GPLD1: variants seen among roughly 807,000 people sequenced by gnomAD.
GPLD1 encodes the protein phosphatidylinositol-glycan-specific phospholipase D.
GPLD1 carries 84 observed loss-of-function variants against 112.6 expected under a neutral mutation model. That is an observed-to-expected ratio of 0.75 (90% CI 0.63 to 0.89). The LOEUF (loss-of-function observed/expected upper bound fraction) is 0.89, where lower values mean the gene tolerates loss of function less well. Ranked by LOEUF, GPLD1 falls within the 40% of genes least tolerant of loss-of-function variation. The pLI is 0.00. For synonymous variants in GPLD1, 386 were observed against 403.8 expected, an observed-to-expected ratio of 0.96 and a Z score of 0.53; for missense variants, 1,044 against 1,051.5, an observed-to-expected ratio of 0.99 and a Z score of 0.10.
In GPLD1 at chr6:24,454,166, T is replaced by C. The variant is rs764108052; in HGVS notation, c.1184A>G (p.His395Arg). The part of the protein sequence containing the change: ...MTSADLNQDG[H>R]GDLVVGAPGY... ...TGGTGCGCCCACCACGAGGTCACCG[T>C]GCCCATCCTGGTTGAGGTCAGCTGA... The change falls in exon 14 of 25, where the codon CAC becomes CGC. Residue 395 changes from histidine (H) to arginine (R), a missense_variant. Coordinates refer to ENST00000230036, the MANE Select transcript of GPLD1 (RefSeq NM_001503.4). The C allele has an allele frequency of 5.0e-5, 81 of 1,613,576 alleles. No individual in the cohort carries two copies. Among genetic ancestry groups the C allele is most frequent in the Non-Finnish European group, 6.6e-5 (78 of 1,179,820 alleles).
chr6:24,453,725 T>C (rs1763171914), intron 14 of GPLD1, among the ~76,000 whole-genome samples: 1 of 151,974 alleles, frequency 6.6e-6, no homozygotes. Context: ...TGTGTGTGTA[T>C]AAAGAGGTTT....
intron 7 of GPLD1, among the ~76,000 whole-genome samples, chr6:24,468,068 G>A (rs9467181): frequency 0.074 from 11,184 of 152,026 alleles, 1,185 homozygotes; most frequent in African/African-American, 0.24. Context: ...CACCACGCCC[G>A]GCTAATTTTA....
Position 24,495,040 on chromosome 6 carries a change from T to G in GPLD1, n.166A>C, listed in dbSNP as rs535285968. On this transcript the variant is annotated non_coding_transcript_exon_variant, in exon 1 of 11. Transcript: ENST00000474784. ...CTGCGGAGCTGTGGGGCCCGGCGCC[T>G]CGGGTCGACGTTTCCAGGCTGCCGC... 1.8e-5 allele frequency: 24 copies of G among 1,350,640 alleles called. No individual in the cohort carries two copies. In the South Asian group the frequency reaches 4.8e-4, roughly 27 times the overall value. 83.7% of individuals were successfully genotyped at this position (1,350,640 alleles called of 1,614,324 possible). A position where few individuals can be genotyped will look rare whatever the true frequency, so the allele number is the denominator to read the frequency against.
chr6:24,448,431 A>C (rs1762981418), intron 15 of GPLD1, among the ~76,000 whole-genome samples: 1 of 144,680 alleles, frequency 6.9e-6, no homozygotes. Context: ...AAAACTTTTA[A>C]TTAAAGCGAG....
rs574561657 is a variant in GPLD1, at chr6:24,449,548, C to T, written c.1446+241G>A. 8.4e-4 allele frequency among the ~76,000 whole-genome samples: 128 copies of T among 152,300 alleles called. No individual in the cohort carries two copies. In the Middle Eastern group the frequency reaches 0.01, roughly 12 times the overall value. ...GGGGATGAAAAAAAGGGCTAAGTACCTGGTGGAATTGGGAAACCATAGGGC... is the reference window on the plus strand; with the variant it reads ...GGGGATGAAAAAAAGGGCTAAGTACTTGGTGGAATTGGGAAACCATAGGGC... On this transcript the variant is annotated intron_variant, in intron 15 of 24. Coordinates refer to ENST00000230036, the MANE Select transcript of GPLD1 (RefSeq NM_001503.4).
intron 10 of GPLD1, among the ~76,000 whole-genome samples, chr6:24,463,180 T>C (rs1175530148): frequency 8.5e-6 from 1 of 118,288 alleles, no homozygotes; most frequent in Non-Finnish European, 1.8e-5. Context: ...AATTTCTCAA[T>C]TTCATTTCTT....
chr6:24,461,803 AATG>A (rs1473965031), intron 11 of GPLD1, among the ~76,000 whole-genome samples: 1 of 152,218 alleles, frequency 6.6e-6, no homozygotes, highest in Non-Finnish European at 1.5e-5. Flanking sequence ...TCTTGTTCAC[AATG>A]ATATCTCTAG....
At chr6:24,444,004 T>C (rs1762832022) in intron 20 of GPLD1, among the ~76,000 whole-genome samples, 2 of 152,156 alleles carry the variant, frequency 1.3e-5, no homozygotes, top group South Asian at 4.1e-4. Flanking sequence ...ATTATTCAAA[T>C]CTTTCCCATA....
At chr6:24,489,146 C>G (rs1764481007) in intron 1 of GPLD1, among the ~76,000 whole-genome samples, 1 of 152,222 alleles carries the variant, frequency 6.6e-6, no homozygotes, top group South Asian at 2.1e-4. Flanking sequence ...GAGCCTCTCA[C>G]TATTTCCCCA....
intron 10 of GPLD1, among the ~76,000 whole-genome samples, chr6:24,465,972 G>A (rs1448185948): frequency 6.6e-6 from 1 of 152,022 alleles, no homozygotes; most frequent in Non-Finnish European, 1.5e-5. Context: ...GGAGAGGTGT[G>A]TCACCACAGC....
intron 14 of GPLD1, among the ~76,000 whole-genome samples, chr6:24,453,560 CG>C (rs1186983141): frequency 4.6e-5 from 7 of 152,106 alleles, no homozygotes; most frequent in Non-Finnish European, 1.0e-4. Flanking sequence ...TGCTTGAACC[CG>C]GGAGGCAGAG....
rs142535003 is a variant in GPLD1 at position 24,434,261 on chromosome 6, G to A, written c.2359-872C>T. Reference sequence around the variant, plus strand: ...AAAAACACAAAAATTAGCCAGGCACGGTGGTGTGCGCCTGTAGTCCCAGCT... The same window carrying A: ...AAAAACACAAAAATTAGCCAGGCACAGTGGTGTGCGCCTGTAGTCCCAGCT... On this transcript the variant is annotated intron_variant, in intron 22 of 24. Coordinates refer to ENST00000230036, the MANE Select transcript of GPLD1 (RefSeq NM_001503.4). Among the ~76,000 whole-genome samples the A allele has an allele frequency of 5.3e-5, 8 of 152,040 alleles. No individual in the cohort carries two copies. In the East Asian group the frequency reaches 1.6e-3, roughly 30 times the overall value.
chr6:24,432,613 G>T (rs1438444907), intron 24 of GPLD1, among the ~76,000 whole-genome samples: 1 of 151,922 alleles, frequency 6.6e-6, no homozygotes, highest in Non-Finnish European at 1.5e-5. Flanking sequence ...AAATAATAAA[G>T]AAAGAAAAAA....
chr6:24,454,059 G>A lies in GPLD1; in HGVS notation c.1291C>T (p.Leu431=). ...CTGTGGGCCTCCTTGTCCAGGTCCA[G>A]GTCAACAGGTGGCAGGCCCAGGTCA... The part of the protein sequence containing the change: ...GNDLGLPPVD[L]DLDKEAHRIL... The change falls in exon 14 of 25, where the codon CTG becomes TTG. Residue 431 remains leucine (L), a synonymous_variant. Coordinates refer to ENST00000230036, the MANE Select transcript of GPLD1 (RefSeq NM_001503.4). The A allele has an allele frequency of 1.2e-6, 2 of 1,613,444 alleles. No individual in the cohort carries two copies. The highest frequency in any genetic ancestry group is 1.7e-6 in the Non-Finnish European group (2 of 1,179,444).
intron 22 of GPLD1, chr6:24,435,837 A>AAATAAAAAAAAAAAAAAAAAAAT: frequency 6.7e-6 from 1 of 149,464 alleles, no homozygotes; most frequent in South Asian, 2.1e-4. Flanking sequence ...AAAAAAAAAA[A>AAATAAAAAAAAAAAAAAAAAAAT]AAAAAAAAAA....
At chr6:24,494,806 C>A (rs1341594622) in intron 1 of GPLD1, 5 of 582,150 alleles carry the variant, frequency 8.6e-6, no homozygotes, top group Non-Finnish European at 1.0e-5. Flanking sequence ...GTGCAGAGGG[C>A]GGCGCGGCGG....
chr6:24,435,921 A>G (rs1290186547), intron 22 of GPLD1: 1 of 151,714 alleles, frequency 6.6e-6, no homozygotes, highest in East Asian at 1.9e-4. Flanking sequence ...GGAATAAACA[A>G]AGAAATGAAA....
chr6:24,482,720 A>C (rs1026127703), intron 2 of GPLD1, among the ~76,000 whole-genome samples: 6 of 148,644 alleles, frequency 4.0e-5, no homozygotes, highest in Non-Finnish European at 7.4e-5. Context: ...GCACTTTGGG[A>C]GGATGAGGTC....
At chr6:24,442,414 T>A (rs1186113840) in intron 20 of GPLD1, among the ~76,000 whole-genome samples, 4 of 141,356 alleles carry the variant, frequency 2.8e-5, no homozygotes, top group South Asian at 2.4e-4. Flanking sequence ...TGCCACCACA[T>A]CTGGCTAATT....
Sources: allele counts gnomAD v4.1 joint callset (sites outside exome capture counted in the v4.1 genomes callset), GRCh38; gene constraint gnomAD v4.1.1; transcripts MANE v1.5; gene names NCBI Gene and HGNC (gene_info 2026-07-23, HGNC 2026-07-21).